CD2AP: variants seen among roughly 807,000 people sequenced by gnomAD.
CD2AP encodes CD2-associated protein.
Under a neutral mutation model 85.1 loss-of-function variants are expected in CD2AP, and 46 were observed. The ratio of observed to expected loss-of-function variants is 0.54; its 90% CI spans 0.43 to 0.69. The LOEUF is 0.69. CD2AP is among the 30% of genes least tolerant of loss of function. CD2AP has a pLI of 0.00. For missense variants in CD2AP, 769 were observed against 729.5 expected (o/e 1.05, Z -0.62); for synonymous variants, 255 against 252.9 (o/e 1.01, Z -0.08).
At chr6:47,594,965 A>G (rs1244488283) in intron 11 of CD2AP, among the ~76,000 whole-genome samples, 4 of 152,132 alleles carry the variant, frequency 2.6e-5, no homozygotes, top group Non-Finnish European at 5.9e-5. Flanking sequence ...CATTTTTTTC[A>G]AAGACCAAAT....
intron 5 of CD2AP, 49 bp from the exon 6 acceptor site, chr6:47,574,015 C>T (rs377722480): frequency 9.8e-5 from 145 of 1,477,102 alleles, no homozygotes; most frequent in Middle Eastern, 3.5e-4. Context: ...GGATGTCAAG[C>T]GTTTTGTGAT....
chr6:47,537,523 C>T (rs1345592772), intron 3 of CD2AP, among the ~76,000 whole-genome samples: 1 of 152,096 alleles, frequency 6.6e-6, no homozygotes, highest in Non-Finnish European at 1.5e-5. Flanking sequence ...ATAGTATACC[C>T]TTCACCTACA....
chr6:47,578,946 C>T (rs572540789), intron 8 of CD2AP, among the ~76,000 whole-genome samples: 19 of 152,254 alleles, frequency 1.2e-4, no homozygotes, highest in Middle Eastern at 3.4e-3. Context: ...TGTGAGCCAC[C>T]GTACCCGGCC....
At chr6:47,502,435 T>C (rs896358161) in intron 1 of CD2AP, among the ~76,000 whole-genome samples, 6 of 151,840 alleles carry the variant, frequency 4.0e-5, no homozygotes, top group Non-Finnish European at 7.4e-5. Context: ...GGCTGGTTTT[T>C]GCGTTTTTGT....
chr6:47,567,081 C>T (rs535086485), intron 5 of CD2AP, among the ~76,000 whole-genome samples: 33 of 140,342 alleles, frequency 2.4e-4, no homozygotes, highest in Admixed American at 3.9e-4. Flanking sequence ...TTCTGATTTC[C>T]CAGTTTTTTT....
At chr6:47,598,950 G>T (rs1769029143) in intron 12 of CD2AP, among the ~76,000 whole-genome samples, 1 of 150,130 alleles carries the variant, frequency 6.7e-6, no homozygotes, top group Non-Finnish European at 1.5e-5. Flanking sequence ...AAAAATACAG[G>T]AGCATTCTGT....
At chr6:47,559,500 A>G (rs1767794197) in intron 5 of CD2AP, among the ~76,000 whole-genome samples, 1 of 152,012 alleles carries the variant, frequency 6.6e-6, no homozygotes, top group Non-Finnish European at 1.5e-5. Flanking sequence ...GGCTTCAAGC[A>G]GTTGAAGCCT....
At chr6:47,553,218 G>A (rs1157711609) in intron 4 of CD2AP, among the ~76,000 whole-genome samples, 8 of 152,074 alleles carry the variant, frequency 5.3e-5, no homozygotes, top group Non-Finnish European at 8.8e-5. Context: ...TTAGTAAAAG[G>A]TTGCCTACCT....
At chr6:47,588,009 A>C (rs1662418358) in intron 11 of CD2AP, among the ~76,000 whole-genome samples, 1 of 152,054 alleles carries the variant, frequency 6.6e-6, no homozygotes, top group African/African-American at 2.4e-5. Flanking sequence ...GGATGGATTT[A>C]TTTACATTTA....
intron 17 of CD2AP, among the ~76,000 whole-genome samples, chr6:47,613,855 C>T (rs544437875): frequency 6.6e-6 from 1 of 152,164 alleles, no homozygotes; most frequent in East Asian, 1.9e-4. Flanking sequence ...TAGCCAACTC[C>T]CGTCTTAGCT....
rs184327199 is a variant in CD2AP at position 47,576,651 on chromosome 6, C to T, written c.808+49C>T. ...ATATTGGGAATAGTAGAAACATACTCAAATGTATTAAGAGACTTGTTGGAA... is the reference window on the plus strand; with the variant it reads ...ATATTGGGAATAGTAGAAACATACTTAAATGTATTAAGAGACTTGTTGGAA... On this transcript the variant is annotated intron_variant, in intron 7 of 17. Transcript: ENST00000359314. The T allele has an allele frequency of 7.0e-6, 9 of 1,278,954 alleles. No individual in the cohort carries two copies. In the Admixed American group the frequency reaches 8.4e-5, roughly 12 times the overall value. 79.2% of individuals were successfully genotyped at this position (1,278,954 alleles called of 1,614,324 possible).
chr6:47,527,774 T>C (rs1766768492), intron 2 of CD2AP, among the ~76,000 whole-genome samples: 6 of 152,182 alleles, frequency 3.9e-5, no homozygotes, highest in Admixed American at 3.9e-4. Flanking sequence ...TAGATACTGC[T>C]TGTGCCAGTG....
At chr6:47,616,082 C>CTTTATTTTTTTTTT (rs1769576468) in intron 17 of CD2AP, among the ~76,000 whole-genome samples, 1 of 63,826 alleles carries the variant, frequency 1.6e-5, no homozygotes, top group Non-Finnish European at 2.9e-5. Context: ...TGCGCCTGGC[C>CTTTATTTTTTTTTT]TTTTTTTTTT....
Position 47,477,961 on chromosome 6 carries a change from G to GCGGT in CD2AP, c.-280_-277dup. On this transcript the variant is annotated 5_prime_UTR_variant, in exon 1 of 18. Transcript: ENST00000359314. ...CGGGAGCGGCCAGGGTGGGAAAACCGCGGTCGGGCGGGCGGGGTAGGGCCC... is the reference window on the plus strand; with the variant it reads ...CGGGAGCGGCCAGGGTGGGAAAACCGCGGTCGGTCGGGCGGGCGGGGTAGGGCCC... 1 of 523,752 alleles carries GCGGT rather than the reference G, an allele frequency of 1.9e-6. No homozygotes were observed. Among genetic ancestry groups the GCGGT allele is most frequent in the Non-Finnish European group, 3.4e-6 (1 of 295,298 alleles). 32.4% of individuals were successfully genotyped at this position (523,752 alleles called of 1,614,324 possible).
At position 47,609,116 on chromosome 6, in the gene CD2AP, T is replaced by C. The variant is rs1769354806; in HGVS notation, c.1633-7T>C. ...TAAAATCAGAAATTTTTTTTTTACG[T>C]TTTCAGCCATCTGTGTACCTTTCAA... On this transcript the variant is annotated splice_region_variant and splice_polypyrimidine_tract_variant and intron_variant, in intron 15 of 17. Transcript: ENST00000359314. The C allele has an allele frequency of 9.4e-6, 15 of 1,589,756 alleles. No individual in the cohort carries two copies. The highest frequency in any genetic ancestry group is 1.4e-5 in the African/African-American group (1 of 73,716).
chr6:47,479,347 A>G (rs1015786293), intron 1 of CD2AP, among the ~76,000 whole-genome samples: 18 of 152,194 alleles, frequency 1.2e-4, no homozygotes, highest in Admixed American at 6.5e-5. Flanking sequence ...ACTACTGCTG[A>G]TGTGGCACCC....
At chr6:47,570,733 A>C (rs1768126189) in intron 5 of CD2AP, among the ~76,000 whole-genome samples, 2 of 152,212 alleles carry the variant, frequency 1.3e-5, no homozygotes, top group Non-Finnish European at 2.9e-5. Flanking sequence ...AATCCTGTGA[A>C]GTTCCCCATT....
chr6:47,606,656 CT>C (rs983778472), intron 14 of CD2AP, among the ~76,000 whole-genome samples: 1 of 151,436 alleles, frequency 6.6e-6, no homozygotes, highest in African/African-American at 2.4e-5. Flanking sequence ...TTTTTCTTTT[CT>C]TTTTTTCTAA....
intron 2 of CD2AP, among the ~76,000 whole-genome samples, chr6:47,531,939 G>A (rs938740147): frequency 2.6e-5 from 4 of 151,794 alleles, no homozygotes; most frequent in African/African-American, 9.7e-5. Context: ...CAGGTGTGGT[G>A]GTGCATGCCT....
Sources: allele counts gnomAD v4.1 joint callset (sites outside exome capture counted in the v4.1 genomes callset), GRCh38; gene constraint gnomAD v4.1.1; transcripts MANE v1.5; gene names NCBI Gene and HGNC (gene_info 2026-07-23, HGNC 2026-07-21).